The following CALN1 variants were observed in gnomAD, a reference collection of about 807,000 sequenced individuals.
CALN1 encodes the protein calcium-binding protein 8.
CALN1 carries 17 observed loss-of-function variants against 30.6 expected under a neutral mutation model. That is an observed-to-expected ratio of 0.56 (90% CI 0.38 to 0.83). The LOEUF is 0.83. Ranked by LOEUF, CALN1 falls within the 40% of genes least tolerant of loss-of-function variation. The probability of loss-of-function intolerance (pLI) is 0.00; values close to 1 mark genes in which losing one functional copy is unlikely to be tolerated. For synonymous variants in CALN1, 156 were observed against 131.4 expected, an observed-to-expected ratio of 1.19 and a Z score of -1.28; for missense variants, 291 against 354.9, an observed-to-expected ratio of 0.82 and a Z score of 1.45.
chr7:72,199,046 A>T (rs1444755053), intron 3 of CALN1, among the ~76,000 whole-genome samples: 1 of 152,212 alleles, frequency 6.6e-6, no homozygotes, highest in East Asian at 1.9e-4. Context: ...AGGCAGAGGC[A>T]GGTAGATCAC....
intron 3 of CALN1, among the ~76,000 whole-genome samples, chr7:72,175,440 C>T (rs552557791): frequency 2.2e-4 from 34 of 152,202 alleles, no homozygotes; most frequent in African/African-American, 7.9e-4. Context: ...ATCTGAGACA[C>T]GAGTGAAGAT....
At chr7:72,361,886 A>G (rs1037027201) in intron 2 of CALN1, among the ~76,000 whole-genome samples, 13 of 152,238 alleles carry the variant, frequency 8.5e-5, no homozygotes, top group African/African-American at 2.9e-4. Context: ...GACATTATAC[A>G]TGTAATATCC....
At chr7:72,390,368 T>A (rs1585640974) in intron 2 of CALN1, among the ~76,000 whole-genome samples, 1 of 151,442 alleles carries the variant, frequency 6.6e-6, no homozygotes, top group Admixed American at 6.6e-5. Context: ...GAGGCAGAGG[T>A]TGTAGTGAGC....
chr7:71,889,544 G>A (rs534720297), intron 5 of CALN1, among the ~76,000 whole-genome samples: 58 of 152,128 alleles, frequency 3.8e-4, no homozygotes, highest in Non-Finnish European at 4.3e-4. Context: ...ACCACATCCC[G>A]AAAGGCCCCG....
chr7:72,209,480 CCTTCCTTCCCTG>C (rs1026179525), intron 3 of CALN1, among the ~76,000 whole-genome samples: 21 of 146,272 alleles, frequency 1.4e-4, no homozygotes, highest in African/African-American at 5.3e-4. Flanking sequence ...TTCCCTTCTC[CCTTCCTTCCCTG>C]CTTCCTTGCT....
chr7:72,433,776 C>G (rs73133144), intron 1 of CALN1, among the ~76,000 whole-genome samples: 1 of 152,236 alleles, frequency 6.6e-6, no homozygotes, highest in Non-Finnish European at 1.5e-5. Flanking sequence ...TCAAAATGTA[C>G]ATTGGAGGCG....
intron 2 of CALN1, among the ~76,000 whole-genome samples, chr7:72,367,969 TA>T (rs1384781277): frequency 2.0e-5 from 3 of 151,704 alleles, no homozygotes; most frequent in African/African-American, 7.3e-5. Flanking sequence ...CCGTCTCTAC[TA>T]AAAACACAAA....
intron 1 of CALN1, among the ~76,000 whole-genome samples, chr7:72,446,134 T>C (rs1808519791): frequency 6.6e-6 from 1 of 152,142 alleles, no homozygotes; most frequent in Admixed American, 6.5e-5. Flanking sequence ...AGTCTGACTT[T>C]CAGGGATGTC....
intron 5 of CALN1, among the ~76,000 whole-genome samples, chr7:72,018,723 G>A (rs1260225217): frequency 1.3e-5 from 2 of 152,142 alleles, no homozygotes; most frequent in Admixed American, 6.5e-5. Context: ...TAACTTTTGC[G>A]ACTAGTACCA....
intron 3 of CALN1, among the ~76,000 whole-genome samples, chr7:72,247,664 G>C (rs1039009378): frequency 1.3e-5 from 2 of 152,150 alleles, no homozygotes; most frequent in African/African-American, 2.4e-5. Flanking sequence ...TGTGGTTGCT[G>C]CGACCAGTGA....
rs920918937 is a variant in CALN1, at chr7:71,949,659, C to A, written c.501+73998G>T. On this transcript the variant is annotated intron_variant, in intron 5 of 6. Transcript: ENST00000395275. ...CCTCCCAAAGTGCTGAGCTTACAGG[C>A]ATGAGCCACCAAACCCAGCCTTAGA... 1.1e-4 allele frequency among the ~76,000 whole-genome samples: 17 copies of A among 152,038 alleles called. 1 individual carries two copies. Among genetic ancestry groups the A allele is most frequent in the South Asian group, 4.1e-4 (2 of 4,830 alleles).
chr7:72,413,113 A>G (rs1434599519), upstream of CALN1, among the ~76,000 whole-genome samples: 2 of 152,120 alleles, frequency 1.3e-5, no homozygotes, highest in African/African-American at 4.8e-5. Context: ...TGTTAGACAC[A>G]TATGCACACA....
chr7:72,409,163 T>G (rs1806926112), intron 1 of CALN1, among the ~76,000 whole-genome samples: 1 of 151,850 alleles, frequency 6.6e-6, no homozygotes, highest in Non-Finnish European at 1.5e-5. Flanking sequence ...TCCTGGCTAA[T>G]TTTTGCATTT....
chr7:72,246,933 T>C (rs926921338), intron 3 of CALN1, among the ~76,000 whole-genome samples: 2 of 152,058 alleles, frequency 1.3e-5, no homozygotes, highest in Non-Finnish European at 1.5e-5. Context: ...TTCATATTTT[T>C]AGTAGAGACA....
chr7:72,125,474 C>T (rs1009831395), intron 3 of CALN1, among the ~76,000 whole-genome samples: 5 of 152,144 alleles, frequency 3.3e-5, no homozygotes, highest in African/African-American at 9.7e-5. Flanking sequence ...AGACGATGGG[C>T]ACTTTGTAAA....
chr7:72,406,615 CTTT>C (rs1189744119), intron 1 of CALN1, among the ~76,000 whole-genome samples: 1 of 102,216 alleles, frequency 9.8e-6, no homozygotes, highest in Non-Finnish European at 1.8e-5. Flanking sequence ...TCCTTGTCAG[CTTT>C]TTTTTTTTTC....
At chr7:71,887,749 G>A (rs1190588994) in intron 5 of CALN1, among the ~76,000 whole-genome samples, 3 of 152,208 alleles carry the variant, frequency 2.0e-5, no homozygotes, top group Non-Finnish European at 2.9e-5. Context: ...GGCAATGCAA[G>A]TAAAACATGC....
At chr7:72,012,414 G>GA (rs1800132407) in intron 5 of CALN1, among the ~76,000 whole-genome samples, 1 of 152,198 alleles carries the variant, frequency 6.6e-6, no homozygotes, top group South Asian at 2.1e-4. Context: ...TCAGGAGGCT[G>GA]AGGCAAGAGA....
the CALN1 span, among the ~76,000 whole-genome samples, chr7:72,457,406 T>C: frequency 6.6e-6 from 1 of 152,142 alleles, no homozygotes. Context: ...CCACTGAAAG[T>C]ACATGGTCTC....
Sources: allele counts gnomAD v4.1 joint callset (sites outside exome capture counted in the v4.1 genomes callset), GRCh38; gene constraint gnomAD v4.1.1; transcripts MANE v1.5; gene names NCBI Gene and HGNC (gene_info 2026-07-23, HGNC 2026-07-21).